The following CSMD1 variants were observed in gnomAD, a reference collection of about 807,000 sequenced individuals.
The protein encoded by CSMD1 is CUB and sushi domain-containing protein 1.
In CSMD1, 213 loss-of-function variants were observed where a neutral mutation model predicts 417.5. The ratio of observed to expected loss-of-function variants is 0.51; its 90% confidence interval spans 0.46 to 0.57. CSMD1 has a LOEUF of 0.57. CSMD1 is among the 20% of genes least tolerant of loss of function. The pLI is 0.00. For synonymous variants in CSMD1, 2,862 were observed against 1,736.8 expected, an observed-to-expected ratio of 1.65 and a Z score of -16.11; for missense variants, 6,923 against 4,529.7, an observed-to-expected ratio of 1.53 and a Z score of -15.17.
chr8:4,200,995 G>T (rs548389791), intron 3 of CSMD1, among the ~76,000 whole-genome samples: 10 of 152,080 alleles, frequency 6.6e-5, no homozygotes, highest in African/African-American at 2.4e-4. Flanking sequence ...TCTCCACAGC[G>T]CCGTTCATAT....
At chr8:4,924,570 A>T (rs1806722735) in intron 1 of CSMD1, among the ~76,000 whole-genome samples, 1 of 152,018 alleles carries the variant, frequency 6.6e-6, no homozygotes. Flanking sequence ...AAAAATACAA[A>T]AATTAGCCTG....
intron 3 of CSMD1, among the ~76,000 whole-genome samples, chr8:4,221,627 C>T (rs1247987725): frequency 6.6e-6 from 1 of 152,114 alleles, no homozygotes; most frequent in Non-Finnish European, 1.5e-5. Context: ...GTGAATAAGA[C>T]AATTTCACAT....
intron 2 of CSMD1, among the ~76,000 whole-genome samples, chr8:4,460,704 G>A (rs750891831): frequency 1.3e-5 from 2 of 152,006 alleles, no homozygotes; most frequent in African/African-American, 4.8e-5. Context: ...TCAACAAACT[G>A]GATGACTACA....
chr8:4,460,479 G>C (rs1384222944), intron 2 of CSMD1, among the ~76,000 whole-genome samples: 4 of 151,934 alleles, frequency 2.6e-5, no homozygotes, highest in African/African-American at 7.3e-5. Flanking sequence ...ATTCTAGTGA[G>C]AATAATCAAG....
chr8:3,711,409 G>A (rs987680835), intron 6 of CSMD1, among the ~76,000 whole-genome samples: 1 of 152,148 alleles, frequency 6.6e-6, no homozygotes, highest in Non-Finnish European at 1.5e-5. Flanking sequence ...AGAAAGCCCA[G>A]AGACAGACAG....
chr8:4,722,128 A>T (rs1584998341), intron 1 of CSMD1, among the ~76,000 whole-genome samples: 1 of 152,156 alleles, frequency 6.6e-6, no homozygotes, highest in East Asian at 1.9e-4. Flanking sequence ...GTTATGTTGT[A>T]TACTGGAAAT....
intron 1 of CSMD1, among the ~76,000 whole-genome samples, chr8:4,823,122 C>A (rs934708250): frequency 2.0e-5 from 3 of 152,028 alleles, no homozygotes; most frequent in African/African-American, 7.2e-5. Context: ...TGGTGTCAAA[C>A]TGAAGCTACT....
intron 11 of CSMD1, among the ~76,000 whole-genome samples, chr8:3,492,365 G>C (rs1163159953): frequency 1.3e-5 from 2 of 152,034 alleles, no homozygotes; most frequent in Middle Eastern, 3.2e-3. Context: ...AGCTCATCTG[G>C]CACCACAGAA....
chr8:4,689,548 A>G (rs748769170), intron 1 of CSMD1, among the ~76,000 whole-genome samples: 1 of 152,244 alleles, frequency 6.6e-6, no homozygotes, highest in East Asian at 1.9e-4. Context: ...GATTATTAAG[A>G]ATATTCAAGT....
chr8:4,427,683 T>C (rs762450018), intron 2 of CSMD1, among the ~76,000 whole-genome samples: 6 of 152,212 alleles, frequency 3.9e-5, no homozygotes, highest in Admixed American at 2.6e-4. Flanking sequence ...TAGTACCTAT[T>C]ACATTTATGT....
rs186926918 is a variant in CSMD1 at position 4,040,910 on chromosome 8, A to G, written c.416-8811T>C. On this transcript the variant is annotated intron_variant, in intron 3 of 69. Coordinates refer to ENST00000635120, the MANE Select transcript of CSMD1 (RefSeq NM_033225.6). ...TAAATGGCTCTTGAGAAGCATCATG[A>G]ATATTTGCTAGTGTGAATTATTAAA... Among the ~76,000 whole-genome samples the G allele has an allele frequency of 1.0e-3, 152 of 152,040 alleles. 2 individuals are homozygous for G. The highest frequency in any genetic ancestry group is 3.6e-3 in the African/African-American group (150 of 41,448).
chr8:3,610,476 A>AGTGAGCTATGACCGTACTACT (rs71203454), intron 8 of CSMD1, among the ~76,000 whole-genome samples: 1 of 151,860 alleles, frequency 6.6e-6, no homozygotes, highest in Non-Finnish European at 1.5e-5. Flanking sequence ...TCGAGATTAC[A>AGTGAGCTATGACCGTACTACT]GTACTCCAGG....
At chr8:3,331,081 A>G (rs1198680427) in intron 23 of CSMD1, among the ~76,000 whole-genome samples, 3 of 152,098 alleles carry the variant, frequency 2.0e-5, no homozygotes, top group Non-Finnish European at 2.9e-5. Flanking sequence ...TACTAAAAAT[A>G]CAAAAAATTA....
intron 49 of CSMD1, among the ~76,000 whole-genome samples, chr8:3,062,887 G>C (rs913238799): frequency 6.6e-6 from 1 of 152,108 alleles, no homozygotes; most frequent in African/African-American, 2.4e-5. Context: ...TTAGAGTGTT[G>C]TTCAAAAGAG....
At chr8:3,483,067 C>G (rs1335521679) in intron 11 of CSMD1, among the ~76,000 whole-genome samples, 5 of 152,088 alleles carry the variant, frequency 3.3e-5, no homozygotes, top group Middle Eastern at 6.8e-3. Context: ...CCTCAAGATT[C>G]TAGCATAAGT....
At chr8:4,116,159 A>G (rs1329798686) in intron 3 of CSMD1, among the ~76,000 whole-genome samples, 1 of 151,564 alleles carries the variant, frequency 6.6e-6, no homozygotes, top group African/African-American at 2.4e-5. Context: ...GCACCCAGCT[A>G]ATTTTTGTAT....
chr8:4,987,920 C>G (rs781174995), intron 1 of CSMD1, among the ~76,000 whole-genome samples: 1 of 152,194 alleles, frequency 6.6e-6, no homozygotes, highest in African/African-American at 2.4e-5. Flanking sequence ...TCCGGGGTGT[C>G]TTGGACTTTA....
chr8:2,945,711 CCTT>C (rs1216226853), intron 68 of CSMD1, among the ~76,000 whole-genome samples: 2 of 152,158 alleles, frequency 1.3e-5, no homozygotes, highest in Admixed American at 1.3e-4. Context: ...TCTTCCCCCT[CCTT>C]GTTTTCCCCT....
chr8:3,646,951 A>G (rs1459432838), intron 7 of CSMD1, among the ~76,000 whole-genome samples: 1 of 152,166 alleles, frequency 6.6e-6, no homozygotes, highest in Non-Finnish European at 1.5e-5. Context: ...ACAATGATGC[A>G]TCATCCTCTC....
Sources: gnomAD v4.1 joint callset for allele counts (sites outside exome capture counted in the v4.1 genomes callset) on GRCh38, gnomAD v4.1.1 for gene constraint, MANE v1.5 for transcripts, NCBI Gene and HGNC (gene_info 2026-07-23, HGNC 2026-07-21) for gene names.